The following TBC1D1 variants were observed in gnomAD, a reference collection of about 807,000 sequenced individuals.
TBC1D1 encodes TBC1 (tre-2/USP6, BUB2, cdc16) domain family, member 1.
Under a neutral mutation model 125.6 loss-of-function variants are expected in TBC1D1, and 89 were observed. The observed-to-expected ratio is 0.71, with a 90% CI of 0.60 to 0.85. The LOEUF (loss-of-function observed/expected upper bound fraction) is 0.85, where lower values mean the gene tolerates loss of function less well. Among genes scored for constraint, TBC1D1 ranks in the 40% least tolerant of loss-of-function variants. TBC1D1 has a pLI of 0.00. For missense variants in TBC1D1, 1,377 were observed against 1,469.2 expected (o/e 0.94, Z 1.03); for synonymous variants, 565 against 564.1 (o/e 1.00, Z -0.02).
chr4:37,929,694 A>G (rs1259803854), intron 2 of TBC1D1, among the ~76,000 whole-genome samples: 1 of 152,248 alleles, frequency 6.6e-6, no homozygotes, highest in African/African-American at 2.4e-5. Context: ...AACTATGCTT[A>G]TATCAACTTG....
chr4:38,125,283 G>A, intron 18 of TBC1D1, 152 bp downstream of exon 20: 1 of 697,718 alleles, frequency 1.4e-6, no homozygotes, highest in Non-Finnish European at 2.4e-6. Context: ...TCACAAACGT[G>A]TGGAATGATC....
At chr4:38,012,954 C>T (rs1324728188) in intron 2 of TBC1D1, among the ~76,000 whole-genome samples, 11 of 152,240 alleles carry the variant, frequency 7.2e-5, no homozygotes, top group East Asian at 1.9e-4. Flanking sequence ...CCACCACGCC[C>T]AGCTAATTTT....
chr4:38,108,283 A>G (rs1004914288), intron 15 of TBC1D1, among the ~76,000 whole-genome samples: 1 of 152,166 alleles, frequency 6.6e-6, no homozygotes, highest in Admixed American at 6.5e-5. Context: ...CCCAGCCTAG[A>G]ACACTTTCCA....
intron 2 of TBC1D1, among the ~76,000 whole-genome samples, chr4:38,011,905 T>C (rs567177342): frequency 1.3e-5 from 2 of 152,374 alleles, no homozygotes; most frequent in Admixed American, 1.3e-4. Flanking sequence ...CTTTGTGTCA[T>C]CTTTTTGTTT....
At chr4:38,073,325 C>G (rs1188044154) in intron 12 of TBC1D1, among the ~76,000 whole-genome samples, 9 of 152,220 alleles carry the variant, frequency 5.9e-5, no homozygotes, top group Non-Finnish European at 1.5e-5. Context: ...CTGGATTACA[C>G]TTGATTTTCT....
At chr4:38,135,985 C>A (rs938371994) in intron 19 of TBC1D1, among the ~76,000 whole-genome samples, 1 of 150,398 alleles carries the variant, frequency 6.6e-6, no homozygotes, top group Admixed American at 6.6e-5. Context: ...ATTTTTCCCA[C>A]CTAAAATGGA....
At chr4:38,081,297 A>G (rs1305507516) in intron 12 of TBC1D1, among the ~76,000 whole-genome samples, 1 of 152,158 alleles carries the variant, frequency 6.6e-6, no homozygotes, top group East Asian at 1.9e-4. Flanking sequence ...GGGCAGGTGC[A>G]GCAGGAGGAA....
rs867651930 is a variant in TBC1D1, at chr4:38,093,519, T to C, written c.2237-2410T>C. The stretch of plus-strand genomic sequence containing the variant: ...ACCGTCCTCCTCTGCAAGGCCGTTT[T>C]CCCCCCCCTTTTTTTTTTTTTTGAG... On this transcript the variant is annotated intron_variant, in intron 13 of 19. Transcript: ENST00000261439. Among the ~76,000 whole-genome samples the C allele has an allele frequency of 1.8e-3, 261 of 145,800 alleles. 1 individual carries two copies. Among genetic ancestry groups the C allele is most frequent in the South Asian group, 4.1e-3 (19 of 4,582 alleles).
chr4:38,127,293 G>T (rs17607617), intron 18 of TBC1D1, among the ~76,000 whole-genome samples: 15,146 of 152,148 alleles, frequency 0.1, 1,129 homozygotes, highest in East Asian at 0.36. Context: ...AATGGACACA[G>T]CATGGGAAGA....
chr4:37,998,001 G>A (rs1205176624), intron 2 of TBC1D1, among the ~76,000 whole-genome samples: 1 of 152,062 alleles, frequency 6.6e-6, no homozygotes, highest in African/African-American at 2.4e-5. Flanking sequence ...TTTGGTCACA[G>A]TGGTTCTGCC....
intron 2 of TBC1D1, among the ~76,000 whole-genome samples, chr4:38,009,693 G>T (rs1171931716): frequency 1.3e-5 from 2 of 152,160 alleles, no homozygotes; most frequent in African/African-American, 4.8e-5. Context: ...ATACATTACT[G>T]TGCATTTGTT....
At chr4:38,131,010 C>A (rs1473273711) in intron 18 of TBC1D1, among the ~76,000 whole-genome samples, 1 of 152,176 alleles carries the variant, frequency 6.6e-6, no homozygotes, top group Admixed American at 6.5e-5. Flanking sequence ...CAGGGTTCTC[C>A]TTTGACCACC....
chr4:37,896,435 T>C (rs969158470), intron 1 of TBC1D1, among the ~76,000 whole-genome samples: 3 of 152,100 alleles, frequency 2.0e-5, no homozygotes, highest in African/African-American at 7.2e-5. Flanking sequence ...TTCATGTACC[T>C]CCCCCACATT....
intron 2 of TBC1D1, among the ~76,000 whole-genome samples, chr4:38,001,544 C>T (rs1739087404): frequency 6.6e-6 from 1 of 152,036 alleles, no homozygotes; most frequent in African/African-American, 2.4e-5. Context: ...AAGTTGGTCC[C>T]TCTGGCAACC....
chr4:38,083,910 T>TTCTTTA lies in TBC1D1; in HGVS notation c.2051-6020_2051-6015dup. On this transcript the variant is annotated intron_variant, in intron 12 of 19. Coordinates refer to ENST00000261439, the MANE Select transcript of TBC1D1 (RefSeq NM_015173.4). ...GCATGAGGCAACAACTTAACAGTAT[T>TTCTTTA]TCTTTATACCAAATGAATGTTGTCT... Among the ~76,000 whole-genome samples, 5 of 152,288 alleles carry TTCTTTA rather than the reference T, an allele frequency of 3.3e-5. 1 individual carries two copies. The highest frequency in any genetic ancestry group is 3.3e-4 in the Admixed American group (5 of 15,294).
intron 2 of TBC1D1, among the ~76,000 whole-genome samples, chr4:37,957,817 A>T (rs953623572): frequency 1.8e-4 from 27 of 152,114 alleles, no homozygotes; most frequent in African/African-American, 6.3e-4. Context: ...TTCCTGACAA[A>T]CTACATATCA....
At chr4:38,083,553 G>A (rs974966802) in intron 12 of TBC1D1, among the ~76,000 whole-genome samples, 1 of 152,238 alleles carries the variant, frequency 6.6e-6, no homozygotes, top group Non-Finnish European at 1.5e-5. Context: ...AATGTTTACT[G>A]TGTGCAGGCT....
chr4:38,014,806 C>T lies in TBC1D1; in HGVS notation c.715C>T (p.Pro239Ser). 6.2e-7 allele frequency: 1 copy of T among 1,610,848 alleles called. No homozygotes were observed. Among genetic ancestry groups the T allele is most frequent in the Non-Finnish European group, 8.5e-7 (1 of 1,178,038 alleles). Residue 239 changes from proline to serine, a missense_variant, in exon 3 of 20, where the codon CCC (proline) becomes TCC (serine). Physicochemically the swap from Pro to Ser is moderately conservative, Grantham distance 74. This residue lies in a region of TBC1D1 where 822 missense variants were observed against 824.6 expected (regional missense o/e 1.00). Transcript: ENST00000261439. The surrounding 1 kb of genome is among the most constrained non-coding windows in gnomAD (Gnocchi z 5.1). Reference sequence around the variant, plus strand: ...GCCCATGCGCAAGTCCTTCTCCCAGCCCGGCCTGCGCTCGCTGGCCTTTAG... The same window carrying T: ...GCCCATGCGCAAGTCCTTCTCCCAGTCCGGCCTGCGCTCGCTGGCCTTTAG...
chr4:38,087,693 T>C (rs1358257633), intron 12 of TBC1D1, among the ~76,000 whole-genome samples: 3 of 151,166 alleles, frequency 2.0e-5, no homozygotes, highest in Admixed American at 2.0e-4. Flanking sequence ...AATACAGAAA[T>C]TAGCAGGGCA....
Sources: allele counts gnomAD v4.1 joint callset (sites outside exome capture counted in the v4.1 genomes callset), GRCh38; gene constraint gnomAD v4.1.1; regional missense constraint gnomAD v4.1.1; non-coding constraint Gnocchi (gnomAD v3.1); transcripts MANE v1.5; gene names NCBI Gene and HGNC (gene_info 2026-07-23, HGNC 2026-07-21).